Variants in PHACTR1 observed in about 807,000 individuals in gnomAD.
PHACTR1 encodes RPEL repeat containing 1.
Under a neutral mutation model 69.2 loss-of-function variants are expected in PHACTR1, and 16 were observed. That is an observed-to-expected ratio of 0.23 (90% CI 0.16 to 0.35). The LOEUF is 0.35. Ranked by LOEUF, PHACTR1 falls within the 10% of genes least tolerant of loss-of-function variation. PHACTR1 has a pLI of 1.00. For missense variants in PHACTR1, 510 were observed against 734.7 expected (o/e 0.69, Z 3.54); for synonymous variants, 312 against 284.5 (o/e 1.10, Z -0.97).
chr6:13,236,867 G>A lies in PHACTR1; in HGVS notation c.1391+6674G>A, dbSNP rs558312966. On this transcript the variant is annotated intron_variant, in intron 10 of 14. Transcript: ENST00000332995. ...GAAGGGACCATGACCCCAAATGCAT[G>A]TGGGAAGAGACAGATATTGCACAGA... Among the ~76,000 whole-genome samples, 13 of 152,274 alleles carry A rather than the reference G, an allele frequency of 8.5e-5. No individual in the cohort carries two copies. In the East Asian group the frequency reaches 2.5e-3, roughly 29 times the overall value.
At chr6:13,177,172 T>TAAAAAAAAAAAAAAAAAAAAAAAAA (rs530741132) in intron 6 of PHACTR1, among the ~76,000 whole-genome samples, 2 of 63,366 alleles carry the variant, frequency 3.2e-5, no homozygotes, top group East Asian at 6.3e-4. Flanking sequence ...ACCCCATCTC[T>TAAAAAAAAAAAAAAAAAAAAAAAAA]AAAAAAAAAA....
At chr6:13,157,235 C>T (rs528708815) in intron 5 of PHACTR1, among the ~76,000 whole-genome samples, 1 of 152,318 alleles carries the variant, frequency 6.6e-6, no homozygotes, top group South Asian at 2.1e-4. Context: ...ACCCAGCCCC[C>T]CTCAGCTCAA....
intron 4 of PHACTR1, among the ~76,000 whole-genome samples, chr6:12,765,624 T>C (rs1443507433): frequency 6.6e-6 from 1 of 152,190 alleles, no homozygotes; most frequent in African/African-American, 2.4e-5. Flanking sequence ...GAGACAAACC[T>C]GTCCCCTCAG....
chr6:13,056,881 TG>T (rs1337457779), intron 5 of PHACTR1, among the ~76,000 whole-genome samples: 1 of 152,152 alleles, frequency 6.6e-6, no homozygotes, highest in Non-Finnish European at 1.5e-5. Flanking sequence ...GAGAATTATC[TG>T]ATATTGAGGA....
chr6:12,724,978 C>T (rs1762598721), intron 3 of PHACTR1, among the ~76,000 whole-genome samples: 1 of 152,168 alleles, frequency 6.6e-6, no homozygotes, highest in Non-Finnish European at 1.5e-5. Flanking sequence ...GCATTAGAAC[C>T]AGGCTCAGTC....
chr6:13,142,030 G>A (rs1291098324), intron 5 of PHACTR1, among the ~76,000 whole-genome samples: 1 of 152,068 alleles, frequency 6.6e-6, no homozygotes, highest in Non-Finnish European at 1.5e-5. Context: ...GAGGGCTGAG[G>A]CTGAACAAAA....
At chr6:13,061,054 A>G (rs568516448) in intron 5 of PHACTR1, among the ~76,000 whole-genome samples, 1 of 152,182 alleles carries the variant, frequency 6.6e-6, no homozygotes, top group African/African-American at 2.4e-5. Flanking sequence ...CCTCCCTGCC[A>G]GTGGCCACTG....
chr6:12,774,450 G>A lies in PHACTR1; in HGVS notation c.250+24660G>A, dbSNP rs189312394. 6.6e-5 allele frequency among the ~76,000 whole-genome samples: 10 copies of A among 152,230 alleles called. No homozygotes were observed. The South Asian group carries it at 1.7e-3, about 25-fold the overall frequency. On this transcript the variant is annotated intron_variant, in intron 4 of 14. Coordinates refer to ENST00000332995, the MANE Select transcript of PHACTR1 (RefSeq NM_030948.6). ...CTTGTTGCCCAGGCTGGAGTGCAAC[G>A]TTGCAATCTTGGCTCACTGCACCCC...
chr6:12,999,960 T>C (rs908236179), intron 4 of PHACTR1, among the ~76,000 whole-genome samples: 1 of 152,246 alleles, frequency 6.6e-6, no homozygotes, highest in African/African-American at 2.4e-5. Flanking sequence ...TTTTGTCTTG[T>C]ATTTGAAATA....
chr6:12,872,530 C>T (rs1478852579), intron 4 of PHACTR1, among the ~76,000 whole-genome samples: 4 of 152,186 alleles, frequency 2.6e-5, no homozygotes, highest in Admixed American at 6.5e-5. Context: ...TACATAACCA[C>T]TTAATTACTC....
At chr6:12,867,115 G>C (rs916526135) in intron 4 of PHACTR1, among the ~76,000 whole-genome samples, 1 of 152,068 alleles carries the variant, frequency 6.6e-6, no homozygotes, top group African/African-American at 2.4e-5. Flanking sequence ...TCCAGCGAAG[G>C]GGGGTTTGCA....
At chr6:13,250,789 G>A (rs1437723028) in intron 10 of PHACTR1, among the ~76,000 whole-genome samples, 1 of 152,104 alleles carries the variant, frequency 6.6e-6, no homozygotes, top group Non-Finnish European at 1.5e-5. Flanking sequence ...ATGACTCCTT[G>A]GGCGCAAGAC....
intron 4 of PHACTR1, among the ~76,000 whole-genome samples, chr6:12,844,848 C>T (rs1405260986): frequency 1.3e-5 from 2 of 152,068 alleles, no homozygotes; most frequent in African/African-American, 2.4e-5. Flanking sequence ...CTGTTAAAAG[C>T]AATCCGTGGG....
chr6:13,180,776 G>T (rs6934799), intron 6 of PHACTR1, among the ~76,000 whole-genome samples: 9 of 152,028 alleles, frequency 5.9e-5, no homozygotes, highest in Non-Finnish European at 7.4e-5. Flanking sequence ...ATAAAGGCAC[G>T]TTAAGAAGAC....
At chr6:13,041,789 T>C (rs1804221136) in intron 4 of PHACTR1, among the ~76,000 whole-genome samples, 1 of 152,218 alleles carries the variant, frequency 6.6e-6, no homozygotes, top group Non-Finnish European at 1.5e-5. Flanking sequence ...CTGCCTGGTC[T>C]TGAGCATCCT....
chr6:13,094,439 T>G (rs1405214596), intron 5 of PHACTR1, among the ~76,000 whole-genome samples: 1 of 151,874 alleles, frequency 6.6e-6, no homozygotes, highest in Non-Finnish European at 1.5e-5. Flanking sequence ...GGATTACAGG[T>G]GCCTGCCACC....
intron 5 of PHACTR1, among the ~76,000 whole-genome samples, chr6:13,152,823 C>T (rs1757625441): frequency 6.6e-6 from 1 of 152,186 alleles, no homozygotes; most frequent in Non-Finnish European, 1.5e-5. Flanking sequence ...AGCAGGGCCA[C>T]ACAGGGGGAG....
intron 5 of PHACTR1, among the ~76,000 whole-genome samples, chr6:13,075,192 C>A (rs1810224608): frequency 6.6e-6 from 1 of 152,150 alleles, no homozygotes; most frequent in African/African-American, 2.4e-5. Context: ...CTTCCAAGTT[C>A]ATCACATATA....
chr6:13,068,604 T>C (rs1052903025), intron 5 of PHACTR1, among the ~76,000 whole-genome samples: 1 of 152,176 alleles, frequency 6.6e-6, no homozygotes, highest in Non-Finnish European at 1.5e-5. Context: ...GAGCCTGCCT[T>C]TAGACACGTT....
Sources: allele counts gnomAD v4.1 joint callset (sites outside exome capture counted in the v4.1 genomes callset), GRCh38; gene constraint gnomAD v4.1.1; transcripts MANE v1.5; gene names NCBI Gene and HGNC (gene_info 2026-07-23, HGNC 2026-07-21).